The following PHF3 variants were observed in gnomAD, a reference collection of about 807,000 sequenced individuals.
The protein encoded by PHF3 is PHD finger protein 3.
In PHF3, 41 loss-of-function variants were observed where a neutral mutation model predicts 178.4. The ratio of observed to expected loss-of-function variants is 0.23; its 90% CI spans 0.18 to 0.30. The LOEUF (loss-of-function observed/expected upper bound fraction) is 0.30, where lower values mean the gene tolerates loss of function less well. Among genes scored for constraint, PHF3 ranks in the 10% least tolerant of loss-of-function variants. The pLI is 1.00. For synonymous variants in PHF3, 842 were observed against 800.5 expected, an observed-to-expected ratio of 1.05 and a Z score of -0.88; for missense variants, 2,346 against 2,398.1, an observed-to-expected ratio of 0.98 and a Z score of 0.45.
chr6:63,650,991 A>G (rs1367294644), intron 2 of PHF3, among the ~76,000 whole-genome samples: 1 of 152,186 alleles, frequency 6.6e-6, no homozygotes, highest in Non-Finnish European at 1.5e-5. Flanking sequence ...TTCATTATAT[A>G]TCTTCACTGG....
chr6:63,686,531 A>ATTCTAGTCTT (rs1356330375), intron 4 of PHF3, among the ~76,000 whole-genome samples: 1 of 152,128 alleles, frequency 6.6e-6, no homozygotes, highest in Non-Finnish European at 1.5e-5. Flanking sequence ...TCTTTTTAAA[A>ATTCTAGTCTT]TTTGAGATGA....
intron 2 of PHF3, among the ~76,000 whole-genome samples, chr6:63,672,143 T>C (rs956402436): frequency 1.3e-5 from 2 of 152,242 alleles, no homozygotes; most frequent in Admixed American, 6.5e-5. Context: ...GCCTGGCCAA[T>C]ATTTACAGTT....
At position 63,720,739 on chromosome 6, in the gene PHF3, T is replaced by A. The variant is rs774280352; in HGVS notation, c.*7031T>A. The A allele has an allele frequency of 4.5e-6, 7 of 1,549,730 alleles. No individual in the cohort carries two copies. The South Asian group carries it at 8.4e-5, about 19-fold the overall frequency. Reference sequence around the variant, plus strand: ...GTTTTAAAAATCTCTTGAGTAACGATATTTACCTTTCTACCATATTCAAAG... The same window carrying A: ...GTTTTAAAAATCTCTTGAGTAACGAAATTTACCTTTCTACCATATTCAAAG... On this transcript the variant is annotated 3_prime_UTR_variant, in exon 16 of 16. Transcript: ENST00000262043.
intron 2 of PHF3, among the ~76,000 whole-genome samples, chr6:63,662,367 A>G (rs994275020): frequency 1.3e-5 from 2 of 152,220 alleles, no homozygotes; most frequent in Non-Finnish European, 2.9e-5. Context: ...TATAGCCCAC[A>G]TTTAAAGTAA....
intron 2 of PHF3, among the ~76,000 whole-genome samples, chr6:63,674,189 G>C (rs1233392475): frequency 2.7e-5 from 4 of 150,670 alleles, no homozygotes; most frequent in East Asian, 2.0e-4. Flanking sequence ...ATTAGTGCTA[G>C]TGAGTTCTTA....
At chr6:63,663,544 T>C (rs1765556799) in intron 2 of PHF3, among the ~76,000 whole-genome samples, 4 of 152,216 alleles carry the variant, frequency 2.6e-5, no homozygotes. Context: ...ACACTTTCTG[T>C]ACTCCAGACT....
rs1768351500 is a variant in PHF3 at position 63,720,835 on chromosome 6, G to T, written c.*7127G>T. The T allele has an allele frequency of 3.2e-6, 5 of 1,551,150 alleles. No individual in the cohort carries two copies. The highest frequency in any genetic ancestry group is 4.4e-6 in the Non-Finnish European group (5 of 1,146,652). ...TTATGTGGATCAATATCCTCGGAAA[G>T]AATTAGACTGTTATTTATGTAGGCC... On this transcript the variant is annotated 3_prime_UTR_variant, in exon 16 of 16. Transcript: ENST00000262043.
intron 4 of PHF3, among the ~76,000 whole-genome samples, chr6:63,687,809 C>A (rs1350216840): frequency 6.6e-6 from 1 of 152,078 alleles, no homozygotes; most frequent in Non-Finnish European, 1.5e-5. Flanking sequence ...CTTGCTGCCA[C>A]CTTTTGGATC....
At chr6:63,649,841 G>A (rs1443535657) in intron 2 of PHF3, among the ~76,000 whole-genome samples, 1 of 152,130 alleles carries the variant, frequency 6.6e-6, no homozygotes, top group Non-Finnish European at 1.5e-5. Flanking sequence ...AAGCAAAAGA[G>A]TATTTTCCCA....
In PHF3 at chr6:63,684,855, A is replaced by G; in HGVS notation, c.1133A>G (p.Lys378Arg). 5 of 1,613,986 alleles carry G rather than the reference A, an allele frequency of 3.1e-6. No individual in the cohort carries two copies. The highest frequency in any genetic ancestry group is 4.2e-6 in the Non-Finnish European group (5 of 1,179,872). ...GTGACTGAATGTAATTTGGAATTGA[A>G]GGATACCATGGGTATTGCTGATAAA... ...DEVTECNLEL[K>R]DTMGIADKTE... Residue 378 changes from lysine to arginine, a missense_variant, in exon 4 of 16, where the codon AAG (lysine) becomes AGG (arginine). This residue lies in a region of PHF3 where 843 missense variants were observed against 795.2 expected (regional missense o/e 1.06). Transcript: ENST00000262043.
rs56331162 is a variant in PHF3, at chr6:63,718,644, A to G, written c.*4936A>G. ...TGAAATATATGAAGAAAATCTGGCTATATGTGCATTTGTTTTTGGGAAAGG... is the reference window on the plus strand; with the variant it reads ...TGAAATATATGAAGAAAATCTGGCTGTATGTGCATTTGTTTTTGGGAAAGG... On this transcript the variant is annotated 3_prime_UTR_variant, in exon 16 of 16. Transcript: ENST00000262043. Among the ~76,000 whole-genome samples, 681 of 152,114 alleles carry G rather than the reference A, an allele frequency of 4.5e-3. 2 individuals are homozygous for G. The highest frequency in any genetic ancestry group is 8.9e-3 in the African/African-American group (371 of 41,550).
In PHF3 at chr6:63,720,854, G is replaced by A; in HGVS notation, c.*7146G>A. 1.9e-6 allele frequency: 3 copies of A among 1,551,164 alleles called. No individual in the cohort carries two copies. The South Asian group carries it at 3.6e-5, about 18-fold the overall frequency. On this transcript the variant is annotated 3_prime_UTR_variant, in exon 16 of 16. Transcript: ENST00000262043. The stretch of plus-strand genomic sequence containing the variant: ...CGGAAAGAATTAGACTGTTATTTAT[G>A]TAGGCCTTGATAAGAGTCTGATTTT...
chr6:63,696,639 G>A (rs192178158), intron 6 of PHF3, among the ~76,000 whole-genome samples: 27 of 152,256 alleles, frequency 1.8e-4, no homozygotes, highest in Non-Finnish European at 3.4e-4. Flanking sequence ...TAAGAGTTGG[G>A]GAGAGAAGAG....
intron 2 of PHF3, among the ~76,000 whole-genome samples, chr6:63,663,268 G>A (rs891109656): frequency 1.3e-5 from 2 of 152,166 alleles, no homozygotes; most frequent in African/African-American, 4.8e-5. Flanking sequence ...GATGAGACTG[G>A]CTAATTTATA....
intron 2 of PHF3, among the ~76,000 whole-genome samples, chr6:63,667,865 A>G (rs1765746212): frequency 1.3e-5 from 2 of 152,220 alleles, no homozygotes; most frequent in Non-Finnish European, 2.9e-5. Flanking sequence ...AAAACTTCAT[A>G]GGTGAAGCTG....
intron 1 of PHF3, among the ~76,000 whole-genome samples, chr6:63,637,401 G>GT (rs1228975733): frequency 6.6e-6 from 1 of 152,166 alleles, no homozygotes; most frequent in African/African-American, 2.4e-5. Flanking sequence ...AGAAAAAGAT[G>GT]TATGTTTGTG....
intron 2 of PHF3, among the ~76,000 whole-genome samples, chr6:63,671,334 GC>G (rs1027714130): frequency 6.6e-6 from 1 of 152,210 alleles, no homozygotes; most frequent in African/African-American, 2.4e-5. Context: ...CAAAGTCCTT[GC>G]CCTCATGGAG....
intron 15 of PHF3, 104 bp from the exon 16 acceptor site, chr6:63,711,477 ACAGGG>A: frequency 7.4e-7 from 1 of 1,342,572 alleles, no homozygotes. Flanking sequence ...AGATGGCTTG[ACAGGG>A]CCAGGCACCA....
intron 9 of PHF3, among the ~76,000 whole-genome samples, chr6:63,702,032 C>T (rs148744900): frequency 1.7e-3 from 263 of 152,292 alleles, no homozygotes; most frequent in African/African-American, 5.1e-3. Flanking sequence ...TTTTCAGGGT[C>T]ACTAAGCAGG....
Sources: allele counts gnomAD v4.1 joint callset (sites outside exome capture counted in the v4.1 genomes callset), GRCh38; gene constraint gnomAD v4.1.1; regional missense constraint gnomAD v4.1.1; transcripts MANE v1.5; gene names NCBI Gene and HGNC (gene_info 2026-07-23, HGNC 2026-07-21).